The following USP12 variants were observed in gnomAD, a reference collection of about 807,000 sequenced individuals.
USP12 encodes ubiquitin specific peptidase 12.
A neutral mutation model predicts 45.5 loss-of-function variants in USP12; 19 were observed. The observed-to-expected ratio is 0.42, with a 90% CI of 0.29 to 0.61. The LOEUF is 0.61. Ranked by LOEUF, USP12 falls within the 20% of genes least tolerant of loss-of-function variation. The pLI, the probability that USP12 is intolerant of heterozygous loss-of-function variation, is 0.22. For missense variants in USP12, 242 were observed against 447.7 expected, an observed-to-expected ratio of 0.54 and a Z score of 4.15; for synonymous variants, 149 against 148.8, an observed-to-expected ratio of 1.00 and a Z score of -0.01.
At chr13:27,118,959 GT>G (rs1228482940) in intron 1 of USP12, among the ~76,000 whole-genome samples, 1 of 152,146 alleles carries the variant, frequency 6.6e-6, no homozygotes, top group Non-Finnish European at 1.5e-5. Flanking sequence ...CCTCACAGTA[GT>G]TTCAACTATG....
intron 1 of USP12, among the ~76,000 whole-genome samples, chr13:27,167,472 A>G (rs1000149130): frequency 3.3e-5 from 5 of 151,994 alleles, no homozygotes; most frequent in Non-Finnish European, 7.4e-5. Context: ...TTCTCTCTCC[A>G]CCAAGCTCAA....
chr13:27,131,670 C>T (rs1369880998), intron 1 of USP12, among the ~76,000 whole-genome samples: 1 of 152,130 alleles, frequency 6.6e-6, no homozygotes, highest in Non-Finnish European at 1.5e-5. Flanking sequence ...AGCACCAAAT[C>T]CCTTTCATAT....
At chr13:27,102,561 C>T (rs891393671) in intron 3 of USP12, among the ~76,000 whole-genome samples, 21 of 152,348 alleles carry the variant, frequency 1.4e-4, no homozygotes, top group African/African-American at 5.1e-4. Context: ...TTCCATCCTT[C>T]AAGCACTCAG....
Position 27,105,892 on chromosome 13 carries a change from C to T in USP12, c.182G>A (p.Arg61His), listed in dbSNP as rs139413005. The change falls in exon 3 of 9, where the codon CGT (arginine) becomes CAT (histidine). Residue 61 changes from arginine to histidine, a missense_variant. Physicochemically the swap from Arg to His is conservative, Grantham distance 29 (BLOSUM62 0). Coordinates refer to ENST00000282344, the MANE Select transcript of USP12 (RefSeq NM_182488.4). ...CGCAAGAACTTTTTCCCGAAATGGACGACAAAAATAAAGTGCTTGAAGAAC... is the reference window on the plus strand; with the variant it reads ...CGCAAGAACTTTTTCCCGAAATGGATGACAAAAATAAAGTGCTTGAAGAAC... ...NSVLQALYFC[R>H]PFREKVLAYK... 6.8e-6 allele frequency: 11 copies of T among 1,613,188 alleles called. No homozygotes were observed. Among genetic ancestry groups the T allele is most frequent in the East Asian group, 2.2e-5 (1 of 44,866 alleles).
chr13:27,157,590 A>G (rs952055930), intron 1 of USP12, among the ~76,000 whole-genome samples: 8 of 152,218 alleles, frequency 5.3e-5, no homozygotes, highest in African/African-American at 1.9e-4. Flanking sequence ...AACCCAATCA[A>G]TTTAACAAGT....
At position 27,155,974 on chromosome 13, in the gene USP12, A is replaced by T. The variant is rs73159787; in HGVS notation, c.48+15618T>A. Among the ~76,000 whole-genome samples the T allele has an allele frequency of 3.9e-3, 598 of 151,946 alleles. 1 individual carries two copies. The highest frequency in any genetic ancestry group is 7.3e-3 in the Non-Finnish European group (493 of 67,924). ...TTCAATGTTTTTAAAAATATTTCTTAAAAAAAACCTATAGAAGCAGTTAAA... is the reference window on the plus strand; with the variant it reads ...TTCAATGTTTTTAAAAATATTTCTTTAAAAAAACCTATAGAAGCAGTTAAA... On this transcript the variant is annotated intron_variant, in intron 1 of 8. Transcript: ENST00000282344.
intron 1 of USP12, among the ~76,000 whole-genome samples, chr13:27,164,191 A>C (rs2137846935): frequency 6.6e-6 from 1 of 152,342 alleles, no homozygotes; most frequent in African/African-American, 2.4e-5. Flanking sequence ...ACTCTACTGA[A>C]AGATATTATG....
chr13:27,089,742 C>T, intron 6 of USP12, 141 bp downstream of exon 6: 1 of 743,628 alleles, frequency 1.3e-6, no homozygotes, highest in East Asian at 2.7e-5. Flanking sequence ...CCTAGTAATA[C>T]TTAATGAACA....
chr13:27,097,167 A>T (rs1331890739), intron 3 of USP12, among the ~76,000 whole-genome samples: 4 of 123,954 alleles, frequency 3.2e-5, no homozygotes, highest in African/African-American at 6.1e-5. Flanking sequence ...TAGTAAGTTT[A>T]AAAAAAAAAA....
In USP12 at chr13:27,170,026, T is replaced by A. The variant is rs1010915920; in HGVS notation, c.48+1566A>T. Reference sequence around the variant, plus strand: ...ATTGTCACTGTAAAAGACCTAATTATCGCATTCCTTTTGAAATTGACTAAG... The same window carrying A: ...ATTGTCACTGTAAAAGACCTAATTAACGCATTCCTTTTGAAATTGACTAAG... On this transcript the variant is annotated intron_variant, in intron 1 of 8. Transcript: ENST00000282344. 4 of 295,938 alleles carry A rather than the reference T, an allele frequency of 1.4e-5. No homozygotes were observed. The South Asian group carries it at 6.5e-4, about 48-fold the overall frequency. The allele number at this position is 295,938 out of a possible 1,614,324, so 18.3% of individuals were successfully genotyped here. A position where few individuals can be genotyped will look rare whatever the true frequency, so the allele number is the denominator to read the frequency against.
intron 2 of USP12, among the ~76,000 whole-genome samples, chr13:27,113,009 G>A (rs1246976114): frequency 6.6e-6 from 1 of 152,198 alleles, no homozygotes; most frequent in Non-Finnish European, 1.5e-5. Context: ...TGAGGCAGGA[G>A]GATCGCTTGA....
chr13:27,087,519 G>A (rs1874116054), intron 6 of USP12, among the ~76,000 whole-genome samples: 1 of 152,230 alleles, frequency 6.6e-6, no homozygotes, highest in Non-Finnish European at 1.5e-5. Context: ...AATAAATGCA[G>A]ATGTGAAAAG....
chr13:27,114,084 T>TA (rs1246589179), intron 2 of USP12, among the ~76,000 whole-genome samples: 2 of 152,108 alleles, frequency 1.3e-5, no homozygotes, highest in African/African-American at 2.4e-5. Context: ...ACAAACAACC[T>TA]AAAACCTTAG....
At chr13:27,154,768 C>G (rs556202376) in intron 1 of USP12, among the ~76,000 whole-genome samples, 1 of 152,130 alleles carries the variant, frequency 6.6e-6, no homozygotes. Flanking sequence ...TAAAATCAAA[C>G]GACCTTGAGA....
intron 2 of USP12, among the ~76,000 whole-genome samples, chr13:27,111,242 A>G (rs1403429857): frequency 1.3e-5 from 2 of 152,196 alleles, no homozygotes; most frequent in African/African-American, 2.4e-5. Context: ...TAATTTTGAA[A>G]CTTTTCCTTC....
chr13:27,128,715 G>C (rs1876356175), intron 1 of USP12, among the ~76,000 whole-genome samples: 1 of 152,146 alleles, frequency 6.6e-6, no homozygotes, highest in South Asian at 2.1e-4. Context: ...AGGATCCCTG[G>C]ATTGCCACCC....
At chr13:27,112,946 T>C (rs1875527069) in intron 2 of USP12, among the ~76,000 whole-genome samples, 1 of 152,172 alleles carries the variant, frequency 6.6e-6, no homozygotes, top group Non-Finnish European at 1.5e-5. Flanking sequence ...TTTGTTTAAA[T>C]ACTGAGGCTA....
intron 1 of USP12, among the ~76,000 whole-genome samples, chr13:27,150,240 A>C (rs1877508131): frequency 6.6e-6 from 1 of 152,234 alleles, no homozygotes; most frequent in Admixed American, 6.5e-5. Context: ...AAAAATAATA[A>C]AGCAAAAAAT....
chr13:27,171,673 GC>G lies in USP12; in HGVS notation c.-35del. On this transcript the variant is annotated 5_prime_UTR_variant, in exon 1 of 9. Coordinates refer to ENST00000282344, the MANE Select transcript of USP12 (RefSeq NM_182488.4). ...CGCCATCTTCCACCCAATCACAGCGGCGGCGGCGGGCGGGGGAGGAGGGGAG... is the reference window on the plus strand; with the variant it reads ...CGCCATCTTCCACCCAATCACAGCGGGGCGGCGGGCGGGGGAGGAGGGGAG... 8.2e-7 allele frequency: 1 copy of G among 1,223,322 alleles called. No homozygotes were observed. The highest frequency in any genetic ancestry group is 1.6e-5 in the South Asian group (1 of 64,072). 75.8% of individuals were successfully genotyped at this position (1,223,322 alleles called of 1,614,324 possible).
Sources: allele counts gnomAD v4.1 joint callset (sites outside exome capture counted in the v4.1 genomes callset), GRCh38; gene constraint gnomAD v4.1.1; transcripts MANE v1.5; gene names NCBI Gene and HGNC (gene_info 2026-07-23, HGNC 2026-07-21).